The following ACAN variants were observed in gnomAD, a reference collection of about 807,000 sequenced individuals.
The protein encoded by ACAN is aggrecan, also known as aggrecan core protein.
A neutral mutation model predicts 169.1 loss-of-function variants in ACAN; 47 were observed. The ratio of observed to expected loss-of-function variants is 0.28; its 90% CI spans 0.22 to 0.35. ACAN has a LOEUF of 0.35. Ranked by LOEUF, ACAN falls within the 10% of genes least tolerant of loss-of-function variation. ACAN has a pLI of 1.00. For synonymous variants in ACAN, 1,115 were observed against 1,112.2 expected (o/e 1.00, Z -0.05); for missense variants, 2,716 against 2,759.9 (o/e 0.98, Z 0.36).
rs993319141 is a variant in ACAN at position 88,814,413 on chromosome 15, A to G, written c.-8+10604A>G. 2.0e-5 allele frequency among the ~76,000 whole-genome samples: 3 copies of G among 152,112 alleles called. No homozygotes were observed. The highest frequency in any genetic ancestry group is 2.0e-4 in the Admixed American group (3 of 15,266). On this transcript the variant is annotated intron_variant, in intron 1 of 18. Transcript: ENST00000560601. The surrounding 1 kb of genome is among the most constrained non-coding windows in gnomAD (Gnocchi z 4.0). ...AAGTTTCTCAGCTGCTTTTCTGCCT[A>G]CTTATGCTCTTAAGATAGTCTTACC...
chr15:88,845,745 A>T lies in ACAN; in HGVS notation c.1292A>T (p.Glu431Val), dbSNP rs1896778653. The change falls in exon 7 of 19, where the codon GAG (glutamate) becomes GTG (valine). Residue 431 changes from glutamate to valine, a missense_variant. Glu to Val is a moderately radical substitution (Grantham distance 121). Coordinates refer to ENST00000560601, the MANE Select transcript of ACAN (RefSeq NM_001369268.1). Reference protein sequence around the residue: ...APEIGATAFAEVENETGEATR... With the variant: ...APEIGATAFAVVENETGEATR... The stretch of plus-strand genomic sequence containing the variant: ...GAAATAGGGGCCACTGCCTTCGCTG[A>T]GGTTGAGAATGAGACTGGAGAGGCC... 6.2e-7 allele frequency: 1 copy of T among 1,613,290 alleles called. No homozygotes were observed. The highest frequency in any genetic ancestry group is 1.7e-5 in the Admixed American group (1 of 59,942).
At chr15:88,860,172 G>C (rs968616073) in intron 12 of ACAN, among the ~76,000 whole-genome samples, 154 bp from the exon 13 acceptor site, 6 of 148,572 alleles carry the variant, frequency 4.0e-5, no homozygotes, top group African/African-American at 1.5e-4. Flanking sequence ...CTGTGGGCCA[G>C]GTGCCCAGGA....
chr15:88,845,682 G>C lies in ACAN; in HGVS notation c.1229G>C (p.Ser410Thr). The C allele has an allele frequency of 2.5e-6, 4 of 1,614,026 alleles. No individual in the cohort carries two copies. Among genetic ancestry groups the C allele is most frequent in the Non-Finnish European group, 3.4e-6 (4 of 1,179,890 alleles). Residue 410 changes from serine to threonine, a missense_variant, in exon 7 of 19, where the codon AGT becomes ACT. Physicochemically the swap from Ser to Thr is moderately conservative, Grantham distance 58. Coordinates refer to ENST00000560601, the MANE Select transcript of ACAN (RefSeq NM_001369268.1). ...AAGCCCATCTTCGAGGTCTCCCCCA[G>C]TCCCCTGGAACCCGAGGAGCCCTTC... is the stretch of plus-strand genomic sequence containing the variant. ...TVKPIFEVSP[S>T]PLEPEEPFTF...
intron 10 of ACAN, chr15:88,850,873 G>A (rs1028248425): frequency 1.3e-5 from 2 of 152,016 alleles, no homozygotes; most frequent in Non-Finnish European, 2.9e-5. Flanking sequence ...CAACCCAGGA[G>A]GCGGAGGTTG....
Position 88,851,994 on chromosome 15 carries a change from G to C in ACAN, c.2227G>C (p.Glu743Gln), listed in dbSNP as rs751115587. The C allele has an allele frequency of 5.6e-6, 9 of 1,610,542 alleles. No homozygotes were observed. The East Asian group carries it at 1.8e-4, about 32-fold the overall frequency. Residue 743 changes from glutamate (E) to glutamine (Q), a missense_variant, in exon 11 of 19, where the codon GAA becomes CAA. This residue lies in a region of ACAN where 1,283 missense variants were observed against 1,281.5 expected (regional missense o/e 1.00). Coordinates refer to ENST00000560601, the MANE Select transcript of ACAN (RefSeq NM_001369268.1). The surrounding 1 kb of genome is among the most constrained non-coding windows in gnomAD (Gnocchi z 4.3). The stretch of plus-strand genomic sequence containing the variant: ...CGAGCCAGAAAACCAGACAGAATGG[G>C]AACCAGCCTATACCCCAGTGGGCAC... ...TTEPENQTEW[E>Q]PAYTPVGTSP...
In ACAN at chr15:88,845,448, C is replaced by T. The variant is rs1355487169; in HGVS notation, c.1052-57C>T. On this transcript the variant is annotated intron_variant, in intron 6 of 18. Coordinates refer to ENST00000560601, the MANE Select transcript of ACAN (RefSeq NM_001369268.1). ...TGCTCATCTCCAGCCCACTCCTCATCCCCCTCAAGCCGGTCCCAGGCTGAG... is the reference window on the plus strand; with the variant it reads ...TGCTCATCTCCAGCCCACTCCTCATTCCCCTCAAGCCGGTCCCAGGCTGAG... 2.6e-6 allele frequency: 4 copies of T among 1,539,424 alleles called. No homozygotes were observed. In the East Asian group the frequency reaches 6.8e-5, roughly 26 times the overall value.
In ACAN at chr15:88,807,689, A is replaced by G. The variant is rs1485734328; in HGVS notation, c.-8+3880A>G. ...TTTTTTCAAAAGTTGAATCCAGGGC[A>G]AGAACGGAAACGGTGGAGTTTACTT... On this transcript the variant is annotated intron_variant, in intron 1 of 18. Transcript: ENST00000560601. The surrounding 1 kb of genome is among the most constrained non-coding windows in gnomAD (Gnocchi z 4.0). Among the ~76,000 whole-genome samples the G allele has an allele frequency of 1.3e-5, 2 of 151,966 alleles. No individual in the cohort carries two copies. The highest frequency in any genetic ancestry group is 1.5e-5 in the Non-Finnish European group (1 of 68,006).
intron 12 of ACAN, 33 bp downstream of exon 12, chr15:88,859,450 T>C: frequency 6.4e-7 from 1 of 1,551,538 alleles, no homozygotes; most frequent in Non-Finnish European, 8.7e-7. Flanking sequence ...TAAATGTGCT[T>C]AGGTAGTTCA....
intron 1 of ACAN, among the ~76,000 whole-genome samples, chr15:88,830,826 A>T (rs1896341048): frequency 1.3e-5 from 2 of 152,176 alleles, no homozygotes; most frequent in Admixed American, 1.3e-4. Context: ...CTTAGGCTAC[A>T]CTAAATTTGT....
At chr15:88,848,510 C>G (rs979756533) in intron 9 of ACAN, among the ~76,000 whole-genome samples, 8 of 152,204 alleles carry the variant, frequency 5.3e-5, no homozygotes, top group Non-Finnish European at 7.3e-5. Flanking sequence ...GTTGATTGCT[C>G]TAGCCCAGGA....
At chr15:88,817,844 A>C (rs1895978323) in intron 1 of ACAN, among the ~76,000 whole-genome samples, 1 of 95,932 alleles carries the variant, frequency 1.0e-5, no homozygotes, top group African/African-American at 4.4e-5. Flanking sequence ...ACAGAGTGAG[A>C]CTCTGAAAAA....
intron 9 of ACAN, 34 bp downstream of exon 9, chr15:88,848,072 A>G: frequency 6.2e-7 from 1 of 1,606,892 alleles, no homozygotes; most frequent in East Asian, 2.2e-5. Context: ...CGGGCCCTAG[A>G]TGGGCAGGGG....
rs138497117 is a variant in ACAN, at chr15:88,861,180, AC to A, written c.6946+743del. Among the ~76,000 whole-genome samples, 3,086 of 152,032 alleles carry A rather than the reference AC, an allele frequency of 0.02. 106 individuals are homozygous for A. Among genetic ancestry groups the A allele is most frequent in the African/African-American group, 0.071 (2,928 of 41,434 alleles). On this transcript the variant is annotated intron_variant, in intron 13 of 18. Coordinates refer to ENST00000560601, the MANE Select transcript of ACAN (RefSeq NM_001369268.1). The surrounding 1 kb of genome is among the most constrained non-coding windows in gnomAD (Gnocchi z 6.3). ...CTCATCTCATCTTATCAACATCACC[AC>A]CTTGAGGAAAGAAATGCCCAGTTAC...
chr15:88,864,522 C>A (rs1218443233), intron 13 of ACAN, among the ~76,000 whole-genome samples: 2 of 152,182 alleles, frequency 1.3e-5, no homozygotes, highest in Admixed American at 6.5e-5. Flanking sequence ...GCCTTGGCCT[C>A]CCAAAGTGCT....
intron 1 of ACAN, among the ~76,000 whole-genome samples, chr15:88,817,385 A>G (rs1232219988): frequency 1.3e-5 from 2 of 151,944 alleles, no homozygotes; most frequent in Non-Finnish European, 2.9e-5. Context: ...CTCATGAGCT[A>G]CCCACCTTGG....
In ACAN at chr15:88,874,377, A is replaced by C. The variant is rs1897460346; in HGVS notation, c.7631-28A>C. ...CCCCACTTTCTTTCCAGGTCCACTG[A>C]TATCTTTCCATCTCCCTTTCGTCCT... On this transcript the variant is annotated intron_variant, in intron 18 of 18. Transcript: ENST00000560601. The surrounding 1 kb of genome is among the most constrained non-coding windows in gnomAD (Gnocchi z 7.3). 3.2e-6 allele frequency: 5 copies of C among 1,569,996 alleles called. No individual in the cohort carries two copies. Among genetic ancestry groups the C allele is most frequent in the Non-Finnish European group, 4.3e-6 (5 of 1,154,294 alleles).
chr15:88,862,447 A>C (rs1179492980), intron 13 of ACAN, among the ~76,000 whole-genome samples: 3 of 152,204 alleles, frequency 2.0e-5, no homozygotes, highest in Non-Finnish European at 2.9e-5. Context: ...CATTTAATAA[A>C]AATTGCTTCC....
chr15:88,816,087 G>A (rs1895936005), intron 1 of ACAN, among the ~76,000 whole-genome samples: 1 of 152,190 alleles, frequency 6.6e-6, no homozygotes, highest in South Asian at 2.1e-4. Context: ...ATCTCCCTGT[G>A]TGTCTGTATT....
At position 88,807,863 on chromosome 15, in the gene ACAN, T is replaced by C. The variant is rs537957977; in HGVS notation, c.-8+4054T>C. Among the ~76,000 whole-genome samples the C allele has an allele frequency of 6.6e-6, 1 of 151,814 alleles. No individual in the cohort carries two copies. Among genetic ancestry groups the C allele is most frequent in the African/African-American group, 2.4e-5 (1 of 41,416 alleles). On this transcript the variant is annotated intron_variant, in intron 1 of 18. Transcript: ENST00000560601. The surrounding 1 kb of genome is among the most constrained non-coding windows in gnomAD (Gnocchi z 4.0). Reference sequence around the variant, plus strand: ...TCTCTCCCTCTCAATGGCCTTACAGTGTATCCTAAAGAAGCTTTTTGTTAA... The same window carrying C: ...TCTCTCCCTCTCAATGGCCTTACAGCGTATCCTAAAGAAGCTTTTTGTTAA...
Sources: gnomAD v4.1 joint callset for allele counts (sites outside exome capture counted in the v4.1 genomes callset) on GRCh38, gnomAD v4.1.1 for gene constraint, gnomAD v4.1.1 regional missense constraint, Gnocchi (gnomAD v3.1) non-coding constraint, MANE v1.5 for transcripts, NCBI Gene and HGNC (gene_info 2026-07-23, HGNC 2026-07-21) for gene names.